The following ST3GAL3 variants were observed in gnomAD, a reference collection of about 807,000 sequenced individuals.
ST3GAL3 encodes the protein ST3 beta-galactoside alpha-2,3-sialyltransferase 3.
ST3GAL3 carries 21 observed loss-of-function variants against 50.1 expected under a neutral mutation model. The observed-to-expected ratio is 0.42, with a 90% CI of 0.30 to 0.60. ST3GAL3 has a LOEUF of 0.60. Among genes scored for constraint, ST3GAL3 ranks in the 20% least tolerant of loss-of-function variants. ST3GAL3 has a pLI of 0.19. For synonymous variants in ST3GAL3, 183 were observed against 190.0 expected (o/e 0.96, Z 0.30); for missense variants, 353 against 489.4 (o/e 0.72, Z 2.63).
intron 9 of ST3GAL3, among the ~76,000 whole-genome samples, chr1:43,905,729 T>C (rs1245982927): frequency 2.2e-4 from 12 of 54,930 alleles, no homozygotes; most frequent in East Asian, 1.3e-3. Flanking sequence ...CCTCCTCCTG[T>C]TCCCCTTCCT....
chr1:43,815,123 G>T, intron 4 of ST3GAL3, 190 bp downstream of exon 4: 1 of 667,714 alleles, frequency 1.5e-6, no homozygotes. Context: ...TGGGATGATG[G>T]GTGCAAACAT....
intron 9 of ST3GAL3, among the ~76,000 whole-genome samples, chr1:43,907,027 C>CTGTGAGGAT (rs2079896256): frequency 6.6e-6 from 1 of 152,160 alleles, no homozygotes; most frequent in African/African-American, 2.4e-5. Flanking sequence ...CTCCTATCTG[C>CTGTGAGGAT]CATGGTCTGT....
At chr1:43,739,936 A>G (rs1680115878) in intron 2 of ST3GAL3, among the ~76,000 whole-genome samples, 1 of 152,190 alleles carries the variant, frequency 6.6e-6, no homozygotes, top group Non-Finnish European at 1.5e-5. Flanking sequence ...GAATTATTAT[A>G]CATGTAGTAT....
chr1:43,872,162 A>G (rs1266951151), intron 5 of ST3GAL3, among the ~76,000 whole-genome samples: 6 of 68,562 alleles, frequency 8.8e-5, no homozygotes, highest in Non-Finnish European at 1.7e-4. Context: ...AGAGGATGGT[A>G]TATGAGGGAG....
At chr1:43,728,612 G>A (rs1294089926) in intron 1 of ST3GAL3, among the ~76,000 whole-genome samples, 2 of 152,176 alleles carry the variant, frequency 1.3e-5, no homozygotes, top group African/African-American at 2.4e-5. Context: ...GTAGCTGGGC[G>A]TGGTGACACG....
chr1:43,739,896 A>G (rs1680091674), intron 2 of ST3GAL3, among the ~76,000 whole-genome samples: 1 of 152,204 alleles, frequency 6.6e-6, no homozygotes, highest in Non-Finnish European at 1.5e-5. Flanking sequence ...AAAATAGTCT[A>G]GTTATCAACC....
chr1:43,831,318 GT>G lies in ST3GAL3; in HGVS notation c.210-6897del, dbSNP rs1260501199. Among the ~76,000 whole-genome samples, 11 of 152,296 alleles carry G rather than the reference GT, an allele frequency of 7.2e-5. No homozygotes were observed. The East Asian group carries it at 1.9e-3, about 27-fold the overall frequency. On this transcript the variant is annotated intron_variant, in intron 4 of 11. Coordinates refer to ENST00000347631, the MANE Select transcript of ST3GAL3 (RefSeq NM_006279.5). ...GTAGACAGGGCCCTGGCCAAATAAC[GT>G]TTTGCAAGGCCTCTGCCTGTATAAA... is the stretch of plus-strand genomic sequence containing the variant.
intron 1 of ST3GAL3, among the ~76,000 whole-genome samples, chr1:43,729,394 A>G (rs1426652397): frequency 2.0e-5 from 3 of 151,992 alleles, no homozygotes; most frequent in Non-Finnish European, 4.4e-5. Context: ...ATTAAAAACC[A>G]TTTTTTTCCC....
intron 4 of ST3GAL3, among the ~76,000 whole-genome samples, chr1:43,818,789 A>G (rs2061720147): frequency 6.6e-6 from 1 of 152,254 alleles, no homozygotes; most frequent in Non-Finnish European, 1.5e-5. Flanking sequence ...GAACTTCTAG[A>G]GTTAAAAAAT....
intron 5 of ST3GAL3, among the ~76,000 whole-genome samples, chr1:43,863,514 C>G (rs765773000): frequency 2.6e-5 from 4 of 152,214 alleles, no homozygotes; most frequent in Non-Finnish European, 4.4e-5. Flanking sequence ...CAAGTTCAAA[C>G]AAAAGGCTGT....
rs766458507 is a variant in ST3GAL3 at position 43,899,565 on chromosome 1, C to T, written c.582C>T (p.Gly194=). 3.1e-6 allele frequency: 5 copies of T among 1,613,676 alleles called. No individual in the cohort carries two copies. The highest frequency in any genetic ancestry group is 3.4e-6 in the Non-Finnish European group (4 of 1,180,038). Residue 194 remains glycine (G), a synonymous_variant, in exon 9 of 12, where the codon GGC becomes GGT. Coordinates refer to ENST00000347631, the MANE Select transcript of ST3GAL3 (RefSeq NM_006279.5). This position sits in a 1 kb window ranked among gnomAD's most constrained non-coding sequence, Gnocchi z 5.4. ...GACTGAATTCAGCACCAGTGAAAGG[C>T]TTTGAGAAGGACGTGGGCAGCAAAA... ...VVRLNSAPVK[G]FEKDVGSKTT... is the part of the protein sequence containing the mutation.
intron 5 of ST3GAL3, among the ~76,000 whole-genome samples, chr1:43,875,071 T>G (rs1228355927): frequency 1.3e-5 from 2 of 151,928 alleles, no homozygotes; most frequent in Non-Finnish European, 2.9e-5. Flanking sequence ...TTCCCCCAAA[T>G]GAGAAAGGAA....
intron 4 of ST3GAL3, among the ~76,000 whole-genome samples, chr1:43,819,744 T>C (rs1332648387): frequency 1.3e-5 from 2 of 152,168 alleles, no homozygotes; most frequent in Non-Finnish European, 2.9e-5. Context: ...GTGAGCATAG[T>C]ACTCAACAGG....
intron 3 of ST3GAL3, chr1:43,799,585 A>C (rs1364832515): frequency 6.6e-6 from 1 of 152,136 alleles, no homozygotes; most frequent in Non-Finnish European, 1.5e-5. Context: ...TATCAATCCC[A>C]TCCTAGGGGT....
At chr1:43,773,801 G>T (rs1207463655) in intron 2 of ST3GAL3, among the ~76,000 whole-genome samples, 1 of 152,104 alleles carries the variant, frequency 6.6e-6, no homozygotes, top group Non-Finnish European at 1.5e-5. Context: ...ACTGTTCTGT[G>T]GTTCAACACC....
At chr1:43,910,662 T>C (rs2080653323) in intron 9 of ST3GAL3, among the ~76,000 whole-genome samples, 1 of 152,240 alleles carries the variant, frequency 6.6e-6, no homozygotes, top group Admixed American at 6.5e-5. Context: ...AGATGCCACC[T>C]GATCAGGAGG....
At position 43,811,447 on chromosome 1, in the gene ST3GAL3, G is replaced by A. The variant is rs187637256; in HGVS notation, c.167-3444G>A. 4.7e-4 allele frequency among the ~76,000 whole-genome samples: 71 copies of A among 152,126 alleles called. 1 individual carries two copies. Among genetic ancestry groups the A allele is most frequent in the South Asian group, 8.3e-4 (4 of 4,814 alleles). ...TCCATTTTAGGGGCCTCTTCTCTGC[G>A]GTTCCCCCAGTATGGGTAATGCCCA... On this transcript the variant is annotated intron_variant, in intron 3 of 11. Transcript: ENST00000347631.
intron 1 of ST3GAL3, among the ~76,000 whole-genome samples, chr1:43,714,314 G>A (rs1010314945): frequency 1.3e-5 from 2 of 150,400 alleles, no homozygotes; most frequent in Non-Finnish European, 3.0e-5. Context: ...GTTGCTGGGC[G>A]CAGTGGCTCA....
At chr1:43,892,312 C>T (rs1380383741) in intron 5 of ST3GAL3, among the ~76,000 whole-genome samples, 2 of 152,080 alleles carry the variant, frequency 1.3e-5, no homozygotes, top group Non-Finnish European at 2.9e-5. Flanking sequence ...GGCTGGAGTG[C>T]AGTAGTGTGA....
Sources: gnomAD v4.1 joint callset for allele counts (sites outside exome capture counted in the v4.1 genomes callset) on GRCh38, gnomAD v4.1.1 for gene constraint, Gnocchi (gnomAD v3.1) non-coding constraint, MANE v1.5 for transcripts, NCBI Gene and HGNC (gene_info 2026-07-23, HGNC 2026-07-21) for gene names.